The following MYO16 variants were observed in gnomAD, a reference collection of about 807,000 sequenced individuals.
MYO16 encodes the protein myosin XVI, also known as unconventional myosin-XVI.
Under a neutral mutation model 205.3 loss-of-function variants are expected in MYO16, and 94 were observed. The ratio of observed to expected loss-of-function variants is 0.46; its 90% CI spans 0.39 to 0.54. The LOEUF (loss-of-function observed/expected upper bound fraction) is 0.54. Ranked by LOEUF, MYO16 falls within the 20% of genes least tolerant of loss-of-function variation. The pLI is 0.00. For missense variants in MYO16, 2,315 were observed against 2,387.5 expected, an observed-to-expected ratio of 0.97 and a Z score of 0.63; for synonymous variants, 988 against 954.0, an observed-to-expected ratio of 1.04 and a Z score of -0.66.
At chr13:108,502,285 A>C in the MYO16 span, among the ~76,000 whole-genome samples, 4 of 151,982 alleles carry the variant, frequency 2.6e-5, no homozygotes, top group Admixed American at 6.6e-5. Context: ...TGAAGGGAAA[A>C]CCCACAGTAT....
chr13:109,112,209 G>C (rs527577914), intron 28 of MYO16, among the ~76,000 whole-genome samples: 18 of 152,234 alleles, frequency 1.2e-4, no homozygotes, highest in African/African-American at 4.3e-4. Flanking sequence ...ATATTATGGA[G>C]GGCTTTATAG....
Position 108,862,967 on chromosome 13 carries a change from G to C in MYO16, c.1360-3210G>C, listed in dbSNP as rs115647217. Among the ~76,000 whole-genome samples, 1,208 of 151,982 alleles carry C rather than the reference G, an allele frequency of 7.9e-3. 12 individuals are homozygous for C. The highest frequency in any genetic ancestry group is 0.028 in the African/African-American group (1,155 of 41,448). On this transcript the variant is annotated intron_variant, in intron 11 of 34. Coordinates refer to ENST00000457511, the MANE Select transcript of MYO16 (RefSeq NM_001198950.3). ...TTGAGGACATAATAAATGTTTGCTT[G>C]TTTGTTTTATGGAAAATAAGAAGAA... is the stretch of plus-strand genomic sequence containing the variant.
intron 4 of MYO16, among the ~76,000 whole-genome samples, chr13:108,749,158 T>G (rs1395104080): frequency 2.0e-5 from 3 of 152,182 alleles, no homozygotes; most frequent in Admixed American, 6.5e-5. Flanking sequence ...AACTTATTAT[T>G]TTTTGCAGTG....
At chr13:108,927,925 C>T (rs1298271324) in intron 16 of MYO16, among the ~76,000 whole-genome samples, 1 of 152,350 alleles carries the variant, frequency 6.6e-6, no homozygotes, top group Admixed American at 6.5e-5. Context: ...CACCATCTCG[C>T]GCCACCACAC....
At chr13:108,957,230 A>T (rs146503090) in intron 16 of MYO16, among the ~76,000 whole-genome samples, 1,544 of 152,046 alleles carry the variant, frequency 0.01, 27 homozygotes, top group African/African-American at 0.036. Flanking sequence ...CTAAAAATAC[A>T]AAAATTAGCC....
chr13:109,112,812 T>TA (rs1435097632), intron 28 of MYO16, among the ~76,000 whole-genome samples: 1 of 152,246 alleles, frequency 6.6e-6, no homozygotes, highest in Non-Finnish European at 1.5e-5. Flanking sequence ...AGCAAGTGCT[T>TA]ATTCAAAGCA....
intron 11 of MYO16, among the ~76,000 whole-genome samples, chr13:108,863,996 T>G (rs1878582086): frequency 6.6e-6 from 1 of 152,206 alleles, no homozygotes; most frequent in Non-Finnish European, 1.5e-5. Flanking sequence ...CATCTGTTTT[T>G]ACATCCATAC....
chr13:109,047,442 TAGA>T (rs1477666725), intron 24 of MYO16, among the ~76,000 whole-genome samples: 2 of 152,098 alleles, frequency 1.3e-5, no homozygotes, highest in African/African-American at 4.8e-5. Flanking sequence ...GGAGTAGAAA[TAGA>T]AGGAGTATAT....
intron 13 of MYO16, among the ~76,000 whole-genome samples, chr13:108,886,957 A>T (rs760140320): frequency 3.4e-4 from 52 of 152,040 alleles, no homozygotes; most frequent in Non-Finnish European, 5.0e-4. Context: ...CACATCCTTG[A>T]TTGTGTGGGC....
chr13:108,699,915 A>G (rs961171040), intron 2 of MYO16, among the ~76,000 whole-genome samples: 4 of 152,074 alleles, frequency 2.6e-5, no homozygotes, highest in African/African-American at 9.7e-5. Flanking sequence ...AATGGGGGAG[A>G]CTGCTCCTGG....
the MYO16 span, among the ~76,000 whole-genome samples, chr13:108,516,016 T>A: frequency 1.4e-5 from 2 of 138,534 alleles, no homozygotes; most frequent in African/African-American, 2.7e-5. Context: ...AGTTCGAGCT[T>A]CCCAGCTGCT....
At chr13:109,166,373 A>C (rs1878663728) in intron 33 of MYO16, among the ~76,000 whole-genome samples, 1 of 152,242 alleles carries the variant, frequency 6.6e-6, no homozygotes, top group South Asian at 2.1e-4. Flanking sequence ...AAAACAAATA[A>C]AAAATAACTG....
At chr13:108,816,287 CA>C (rs1441113355) in intron 7 of MYO16, among the ~76,000 whole-genome samples, 3 of 152,012 alleles carry the variant, frequency 2.0e-5, no homozygotes, top group African/African-American at 4.8e-5. Flanking sequence ...CATCAAAAGA[CA>C]TTTTTTTAGA....
chr13:108,721,540 T>C (rs1214349758), intron 3 of MYO16, among the ~76,000 whole-genome samples: 2 of 152,184 alleles, frequency 1.3e-5, no homozygotes, highest in Non-Finnish European at 2.9e-5. Context: ...TAATGCTTCC[T>C]CTGTTGATGG....
At chr13:108,552,866 G>A in the MYO16 span, among the ~76,000 whole-genome samples, 2 of 152,104 alleles carry the variant, frequency 1.3e-5, no homozygotes, top group Non-Finnish European at 2.9e-5. Flanking sequence ...CCATCACATG[G>A]TAGAATAAGA....
intron 1 of MYO16, chr13:108,596,361 TATGTCAGTATCAAAAC>T (rs1334238880): frequency 6.6e-6 from 1 of 151,390 alleles, no homozygotes; most frequent in Non-Finnish European, 1.5e-5. Flanking sequence ...AAAATGTGCA[TATGTCAGTATCAAAAC>T]ATTTTTCTTT....
chr13:108,807,270 A>T (rs1887144311), intron 7 of MYO16, among the ~76,000 whole-genome samples: 1 of 152,174 alleles, frequency 6.6e-6, no homozygotes, highest in African/African-American at 2.4e-5. Flanking sequence ...AATTTGTAGT[A>T]AGTTAGATCT....
At position 109,162,257 on chromosome 13, in the gene MYO16, A is replaced by C. The variant is rs1476893077; in HGVS notation, c.5165-2644A>C. 1.3e-5 allele frequency among the ~76,000 whole-genome samples: 2 copies of C among 152,234 alleles called. No individual in the cohort carries two copies. The highest frequency in any genetic ancestry group is 4.8e-5 in the African/African-American group (2 of 41,460). On this transcript the variant is annotated intron_variant, in intron 32 of 34. Coordinates refer to ENST00000457511, the MANE Select transcript of MYO16 (RefSeq NM_001198950.3). This position sits in a 1 kb window ranked among gnomAD's most constrained non-coding sequence, Gnocchi z 4.6. ...TGAGGGAGGCCAGCCTGAAGTACTC[A>C]GACTGAGAGTCAGCAAGTGCCTTAG...
intron 27 of MYO16, among the ~76,000 whole-genome samples, chr13:109,064,520 G>A (rs1425156735): frequency 6.6e-6 from 1 of 152,208 alleles, no homozygotes; most frequent in African/African-American, 2.4e-5. Context: ...GCTTGCAACA[G>A]CAAATGTTTA....
Sources: allele counts gnomAD v4.1 joint callset (sites outside exome capture counted in the v4.1 genomes callset), GRCh38; gene constraint gnomAD v4.1.1; non-coding constraint Gnocchi (gnomAD v3.1); transcripts MANE v1.5; gene names NCBI Gene and HGNC (gene_info 2026-07-23, HGNC 2026-07-21).